MNAT1: variants seen among roughly 807,000 people sequenced by gnomAD.
MNAT1 encodes the protein MNAT1 component of CDK activating kinase.
Under a neutral mutation model 42.0 loss-of-function variants are expected in MNAT1, and 43 were observed. That is an observed-to-expected ratio of 1.02 (90% CI 0.80 to 1.32). The LOEUF is 1.32. Among genes scored for constraint, MNAT1 ranks in the 40% most tolerant of loss-of-function variants. The pLI is 0.00. For missense variants in MNAT1, 306 were observed against 350.4 expected (o/e 0.87, Z 1.01); for synonymous variants, 118 against 120.0 (o/e 0.98, Z 0.11).
chr14:60,890,561 TC>T (rs1321585737), intron 7 of MNAT1, among the ~76,000 whole-genome samples: 1 of 151,946 alleles, frequency 6.6e-6, no homozygotes, highest in African/African-American at 2.4e-5. Context: ...CCAGTCCGAG[TC>T]CCAAAATCTC....
rs151336031 is a variant in MNAT1 at position 60,941,362 on chromosome 14, T to G, written c.810-26867T>G. 7.9e-5 allele frequency among the ~76,000 whole-genome samples: 12 copies of G among 152,290 alleles called. No individual in the cohort carries two copies. The East Asian group carries it at 2.3e-3, about 29-fold the overall frequency. On this transcript the variant is annotated intron_variant, in intron 7 of 7. Transcript: ENST00000261245. ...GTAGTCACACTTATAGCTAGAATGG[T>G]GAAACAAAAGTTTGTTCTCCTTAAA...
At chr14:60,923,695 A>C (rs1046473517) in intron 7 of MNAT1, among the ~76,000 whole-genome samples, 2 of 152,126 alleles carry the variant, frequency 1.3e-5, no homozygotes, top group African/African-American at 2.4e-5. Flanking sequence ...ACGGATGGAC[A>C]TGGCATGGCA....
chr14:60,925,951 G>C (rs543051971), intron 7 of MNAT1, among the ~76,000 whole-genome samples: 63 of 152,264 alleles, frequency 4.1e-4, no homozygotes, highest in African/African-American at 1.5e-3. Context: ...CTGGATCATA[G>C]AGTAGGTCAG....
intron 1 of MNAT1, among the ~76,000 whole-genome samples, chr14:60,765,149 G>T (rs1314050059): frequency 1.3e-5 from 2 of 152,162 alleles, no homozygotes; most frequent in African/African-American, 4.8e-5. Flanking sequence ...TACTTGGGAG[G>T]CTGAGACATG....
At chr14:60,852,556 C>T (rs768126126) in intron 6 of MNAT1, among the ~76,000 whole-genome samples, 2 of 152,108 alleles carry the variant, frequency 1.3e-5, no homozygotes, top group Non-Finnish European at 2.9e-5. Context: ...TTGGTTAGAT[C>T]CCATTTGTCA....
At chr14:60,964,925 C>T (rs1486980486) in intron 7 of MNAT1, among the ~76,000 whole-genome samples, 1 of 152,070 alleles carries the variant, frequency 6.6e-6, no homozygotes, top group Admixed American at 6.5e-5. Flanking sequence ...GTTTTAAGAA[C>T]ATTAAGATAC....
chr14:60,864,407 A>G (rs1450857392), intron 6 of MNAT1, among the ~76,000 whole-genome samples: 1 of 151,958 alleles, frequency 6.6e-6, no homozygotes, highest in Non-Finnish European at 1.5e-5. Context: ...AAATTTTCAT[A>G]TTTTAGTTCT....
intron 6 of MNAT1, among the ~76,000 whole-genome samples, chr14:60,851,854 A>G (rs890193337): frequency 3.3e-5 from 5 of 152,110 alleles, no homozygotes; most frequent in African/African-American, 1.2e-4. Context: ...TTTCAGCTTC[A>G]TCCATGTCCC....
At chr14:60,937,341 A>G (rs763243488) in intron 7 of MNAT1, among the ~76,000 whole-genome samples, 1 of 152,122 alleles carries the variant, frequency 6.6e-6, no homozygotes, top group South Asian at 2.1e-4. Flanking sequence ...ATTTTCTTCT[A>G]TGGTTTTTAT....
intron 1 of MNAT1, among the ~76,000 whole-genome samples, chr14:60,757,037 T>C (rs2030385414): frequency 6.6e-6 from 1 of 152,188 alleles, no homozygotes; most frequent in African/African-American, 2.4e-5. Flanking sequence ...TGACTGGCTC[T>C]CACATTTCAC....
Position 60,968,473 on chromosome 14 carries a change from A to G in MNAT1, c.*124A>G. 6.6e-7 allele frequency: 1 copy of G among 1,513,268 alleles called. No homozygotes were observed. The highest frequency in any genetic ancestry group is 1.2e-5 in the South Asian group (1 of 80,218). The allele number at this position is 1,513,268 out of a possible 1,614,324, so 93.7% of individuals were successfully genotyped here. ...CTTCCACTAGCAGCTGTGTTAAAGT[A>G]TTTATAAGGAGAAAATTTCAGAACT... is the stretch of plus-strand genomic sequence containing the variant. On this transcript the variant is annotated 3_prime_UTR_variant, in exon 8 of 8. Coordinates refer to ENST00000261245, the MANE Select transcript of MNAT1 (RefSeq NM_002431.4).
chr14:60,887,906 T>G (rs1210492415), intron 7 of MNAT1, among the ~76,000 whole-genome samples: 3 of 151,308 alleles, frequency 2.0e-5, no homozygotes, highest in Non-Finnish European at 4.4e-5. Flanking sequence ...AGGAAGAAGT[T>G]GAATCTCTGA....
chr14:60,843,460 C>T (rs555519513), intron 6 of MNAT1, among the ~76,000 whole-genome samples: 273 of 151,894 alleles, frequency 1.8e-3, no homozygotes, highest in Non-Finnish European at 3.4e-3. Flanking sequence ...TTAGTAGAGA[C>T]GGGGTTTCAC....
At chr14:60,773,425 A>G (rs558502683) in intron 1 of MNAT1, among the ~76,000 whole-genome samples, 20 of 152,340 alleles carry the variant, frequency 1.3e-4, no homozygotes, top group East Asian at 3.9e-4. Flanking sequence ...CACTGTGTTC[A>G]TGGAATAATA....
intron 6 of MNAT1, among the ~76,000 whole-genome samples, chr14:60,846,314 T>C (rs1359471945): frequency 6.6e-5 from 10 of 152,086 alleles, no homozygotes; most frequent in African/African-American, 1.7e-4. Flanking sequence ...CTCTTTTTTT[T>C]CCCTTGGCAC....
At chr14:60,908,987 G>T (rs1465712622) in intron 7 of MNAT1, among the ~76,000 whole-genome samples, 1 of 152,108 alleles carries the variant, frequency 6.6e-6, no homozygotes, top group East Asian at 1.9e-4. Context: ...AGCACCTGTT[G>T]TTTCCTGACT....
At chr14:60,800,380 C>G (rs2032163113) in intron 3 of MNAT1, among the ~76,000 whole-genome samples, 1 of 151,934 alleles carries the variant, frequency 6.6e-6, no homozygotes, top group South Asian at 2.1e-4. Context: ...GAGATCTATA[C>G]CAAAATTTTA....
chr14:60,869,040 A>ATATATATATATATATATAT (rs1465360826), intron 6 of MNAT1, among the ~76,000 whole-genome samples: 91 of 113,018 alleles, frequency 8.1e-4, no homozygotes, highest in Middle Eastern at 5.1e-3. Flanking sequence ...ATATATATAT[A>ATATATATATATATATATAT]TTTTTTTTTT....
intron 6 of MNAT1, among the ~76,000 whole-genome samples, chr14:60,875,906 T>G (rs981028332): frequency 6.6e-6 from 1 of 152,104 alleles, no homozygotes. Context: ...TGGACCTTGC[T>G]GTCTAATTTC....
Sources: allele counts gnomAD v4.1 joint callset (sites outside exome capture counted in the v4.1 genomes callset), GRCh38; gene constraint gnomAD v4.1.1; transcripts MANE v1.5; gene names NCBI Gene and HGNC (gene_info 2026-07-23, HGNC 2026-07-21).